MGAT5: variants seen among roughly 807,000 people sequenced by gnomAD.
MGAT5 encodes alpha-1,6-mannosylglycoprotein 6-beta-N-acetylglucosaminyltransferase, also known as alpha-1,6-mannosylglycoprotein 6-beta-N-acetylglucosaminyltransferase A.
In MGAT5, 30 loss-of-function variants were observed where a neutral mutation model predicts 94.3. The observed-to-expected ratio is 0.32, with a 90% CI of 0.24 to 0.43. MGAT5 has a LOEUF of 0.43. MGAT5 is among the 20% of genes least tolerant of loss of function. MGAT5 has a pLI of 1.00. For synonymous variants in MGAT5, 310 were observed against 322.9 expected, an observed-to-expected ratio of 0.96 and a Z score of 0.43; for missense variants, 691 against 905.5, an observed-to-expected ratio of 0.76 and a Z score of 3.04.
At chr2:134,400,671 A>G (rs1682991201) in intron 10 of MGAT5, among the ~76,000 whole-genome samples, 1 of 152,140 alleles carries the variant, frequency 6.6e-6, no homozygotes, top group Non-Finnish European at 1.5e-5. Flanking sequence ...CAAATGGGCC[A>G]GTTACTGGTC....
At chr2:134,125,807 G>A (rs775682843) in intron 1 of MGAT5, among the ~76,000 whole-genome samples, 19 of 152,186 alleles carry the variant, frequency 1.2e-4, no homozygotes, top group Admixed American at 8.5e-4. Context: ...TCTAAGTGAC[G>A]TATATCCTTT....
chr2:134,305,684 C>CT (rs1386978261), intron 2 of MGAT5, among the ~76,000 whole-genome samples: 1 of 152,128 alleles, frequency 6.6e-6, no homozygotes, highest in Admixed American at 6.6e-5. Flanking sequence ...AATCAAACCT[C>CT]TCTTTGAGAG....
At chr2:134,283,299 A>G (rs1182199211) in intron 2 of MGAT5, among the ~76,000 whole-genome samples, 1 of 123,848 alleles carries the variant, frequency 8.1e-6, no homozygotes, top group Non-Finnish European at 1.6e-5. Flanking sequence ...GAGGGCTGGC[A>G]CATGGTTAAG....
intron 1 of MGAT5, among the ~76,000 whole-genome samples, chr2:134,200,645 T>A (rs1210411942): frequency 6.6e-6 from 1 of 152,170 alleles, no homozygotes; most frequent in Non-Finnish European, 1.5e-5. Flanking sequence ...TGCCCTAAAC[T>A]CTGTTTTAAT....
At chr2:134,414,318 G>A (rs1027547949) in intron 12 of MGAT5, among the ~76,000 whole-genome samples, 1 of 152,138 alleles carries the variant, frequency 6.6e-6, no homozygotes, top group African/African-American at 2.4e-5. Context: ...CACAGAGACT[G>A]GGGACATTCA....
At chr2:134,311,965 C>T (rs1474162285) in intron 2 of MGAT5, among the ~76,000 whole-genome samples, 1 of 152,170 alleles carries the variant, frequency 6.6e-6, no homozygotes, top group East Asian at 1.9e-4. Flanking sequence ...AAGATTTTCT[C>T]CAGGCCGGGT....
chr2:134,416,848 C>T (rs1050976859), intron 12 of MGAT5, among the ~76,000 whole-genome samples: 2 of 151,290 alleles, frequency 1.3e-5, no homozygotes, highest in Non-Finnish European at 2.9e-5. Flanking sequence ...CAAGTGATCC[C>T]CCCCACCTCA....
rs555028574 is a variant in MGAT5 at position 134,201,150 on chromosome 2, A to G, written c.-142-53112A>G. On this transcript the variant is annotated intron_variant, in intron 1 of 16. Transcript: ENST00000409645. Reference sequence around the variant, plus strand: ...TGTGCTTGATCTTACTTCGGGGGCTATTTCCTAAAAATATAATCTGGAGAG... The same window carrying G: ...TGTGCTTGATCTTACTTCGGGGGCTGTTTCCTAAAAATATAATCTGGAGAG... Among the ~76,000 whole-genome samples the G allele has an allele frequency of 1.4e-4, 22 of 152,004 alleles. No homozygotes were observed. The East Asian group carries it at 4.0e-3, about 27-fold the overall frequency.
chr2:134,248,699 AAT>A (rs1331910868), intron 1 of MGAT5, among the ~76,000 whole-genome samples: 18 of 119,982 alleles, frequency 1.5e-4, no homozygotes, highest in African/African-American at 5.5e-4. Context: ...TGAATGTGTG[AAT>A]GTGGCGCATG....
intron 1 of MGAT5, among the ~76,000 whole-genome samples, chr2:134,186,751 G>A (rs1689057984): frequency 6.6e-6 from 1 of 152,182 alleles, no homozygotes; most frequent in Non-Finnish European, 1.5e-5. Context: ...CATCATCAAA[G>A]TCATTCATTC....
chr2:134,387,332 A>ATATATTTTT, intron 10 of MGAT5, among the ~76,000 whole-genome samples: 29 of 24,260 alleles, frequency 1.2e-3, no homozygotes, highest in African/African-American at 4.0e-3. Context: ...ATATATATAT[A>ATATATTTTT]TTTTTTTTTT....
intron 1 of MGAT5, among the ~76,000 whole-genome samples, chr2:134,147,861 C>T (rs183419642): frequency 5.3e-5 from 8 of 152,304 alleles, no homozygotes; most frequent in South Asian, 4.1e-4. Context: ...TTGGCATTTT[C>T]TTCCATTGTG....
chr2:134,206,754 G>C (rs1680039213), intron 1 of MGAT5, among the ~76,000 whole-genome samples: 1 of 152,184 alleles, frequency 6.6e-6, no homozygotes, highest in Admixed American at 6.5e-5. Flanking sequence ...TGTGACCACA[G>C]AAGTAGGAAT....
intron 14 of MGAT5, among the ~76,000 whole-genome samples, chr2:134,435,304 G>A (rs555799559): frequency 7.0e-4 from 107 of 152,294 alleles, no homozygotes; most frequent in African/African-American, 2.4e-3. Context: ...CCCCTGGAAT[G>A]TACTCCCTTG....
intron 11 of MGAT5, among the ~76,000 whole-genome samples, chr2:134,405,574 TA>T (rs1683286865): frequency 6.6e-6 from 1 of 152,214 alleles, no homozygotes; most frequent in South Asian, 2.1e-4. Context: ...ATGAGCAATT[TA>T]AAAGCGATTT....
chr2:134,143,920 G>T (rs1686783271), intron 1 of MGAT5, among the ~76,000 whole-genome samples: 1 of 152,178 alleles, frequency 6.6e-6, no homozygotes, highest in Non-Finnish European at 1.5e-5. Flanking sequence ...TAGGGATGTG[G>T]GGGAGAAGAA....
Position 134,152,011 on chromosome 2 carries a change from A to G in MGAT5, c.-143+31720A>G, listed in dbSNP as rs374119375. 8.7e-5 allele frequency among the ~76,000 whole-genome samples: 10 copies of G among 115,556 alleles called. No homozygotes were observed. The East Asian group carries it at 1.6e-3, about 18-fold the overall frequency. 75.8% of individuals were successfully genotyped at this position (115,556 alleles called of 152,430 possible). On this transcript the variant is annotated intron_variant, in intron 1 of 16. Coordinates refer to the MGAT5 transcript ENST00000409645. ...ATGAGACCTCACTCACTCATGCCCT[A>G]TGGGACCTGGTTACTGCCGTGGGAC...
intron 8 of MGAT5, among the ~76,000 whole-genome samples, chr2:134,347,667 TA>T: frequency 6.6e-6 from 1 of 152,152 alleles, no homozygotes; most frequent in East Asian, 1.9e-4. Flanking sequence ...ATGATTTAAA[TA>T]TGAGAGGATG....
intron 2 of MGAT5, among the ~76,000 whole-genome samples, chr2:134,275,773 G>T (rs1225954864): frequency 1.3e-5 from 2 of 151,624 alleles, no homozygotes; most frequent in Non-Finnish European, 2.9e-5. Context: ...ATTTTTTGTA[G>T]AGAATGGGGT....
Sources: gnomAD v4.1 joint callset for allele counts (sites outside exome capture counted in the v4.1 genomes callset) on GRCh38, gnomAD v4.1.1 for gene constraint, MANE v1.5 for transcripts, NCBI Gene and HGNC (gene_info 2026-07-23, HGNC 2026-07-21) for gene names.